The following FAM186A variants were observed in gnomAD, a reference collection of about 807,000 sequenced individuals.
FAM186A encodes family with sequence similarity 186 member A.
In FAM186A, 163 loss-of-function variants were observed where a neutral mutation model predicts 216.8. The observed-to-expected ratio is 0.75, with a 90% CI of 0.66 to 0.86. FAM186A has a LOEUF of 0.86. FAM186A is among the 40% of genes least tolerant of loss of function. The pLI is 0.00. For missense variants in FAM186A, 2,184 were observed against 2,746.2 expected, an observed-to-expected ratio of 0.80 and a Z score of 4.58; for synonymous variants, 805 against 1,025.3, an observed-to-expected ratio of 0.79 and a Z score of 4.10.
intron 7 of FAM186A, among the ~76,000 whole-genome samples, chr12:50,329,722 GAGT>G (rs1942638438): frequency 1.3e-5 from 2 of 151,800 alleles, no homozygotes; most frequent in Non-Finnish European, 2.9e-5. Flanking sequence ...CTCAGCCTCT[GAGT>G]AGCTGGGATT....
In FAM186A at chr12:50,351,484, A is replaced by G; in HGVS notation, c.5348T>C (p.Leu1783Pro). Residue 1783 changes from leucine to proline, a missense_variant, in exon 4 of 8, where the codon CTT becomes CCT. Physicochemically the swap from Leu to Pro is moderately conservative, Grantham distance 98. This residue lies in a region of FAM186A where 721 missense variants were observed against 816.4 expected (regional missense o/e 0.88). Coordinates refer to ENST00000327337, the MANE Select transcript of FAM186A (RefSeq NM_001145475.3). ...TGCCCCAAGCTTCCCAGGCTCAGAA[A>G]GAATCCCCATTTCTAGGGGCTTCCC... ...APGKPLEMGI[L>P]SEPGKLGAPQ... The G allele has an allele frequency of 5.4e-6, 8 of 1,485,192 alleles. No homozygotes were observed. The highest frequency in any genetic ancestry group is 4.5e-6 in the Non-Finnish European group (5 of 1,120,158). 92.0% of individuals were successfully genotyped at this position (1,485,192 alleles called of 1,614,324 possible). A position where few individuals can be genotyped will look rare whatever the true frequency, so the allele number is the denominator to read the frequency against.
At chr12:50,393,221 G>C (rs906290782) in intron 1 of FAM186A, among the ~76,000 whole-genome samples, 5 of 151,922 alleles carry the variant, frequency 3.3e-5, no homozygotes, top group African/African-American at 1.2e-4. Context: ...ACCGCTCCCG[G>C]CTCGATACTT....
Position 50,353,744 on chromosome 12 carries a change from G to GA in FAM186A, c.3087dup (p.Gln1030SerfsTer12), listed in dbSNP as rs1942938645. On this transcript the variant is annotated frameshift_variant, in exon 4 of 8. Coordinates refer to ENST00000327337, the MANE Select transcript of FAM186A (RefSeq NM_001145475.3). LOFTEE classifies it high-confidence loss of function. ...TTCTCTAATGTCTTCAGATTCCTCT[G>GA]AAACTCTTTTCCTTCATATGACCGC... 1 of 1,550,298 alleles carries GA rather than the reference G, an allele frequency of 6.5e-7. No individual in the cohort carries two copies. The highest frequency in any genetic ancestry group is 2.4e-5 in the East Asian group (1 of 40,928).
chr12:50,372,778 T>G (rs537439688), intron 1 of FAM186A, among the ~76,000 whole-genome samples: 2 of 149,974 alleles, frequency 1.3e-5, no homozygotes, highest in African/African-American at 4.9e-5. Flanking sequence ...GGTGGGTGAC[T>G]GTAATCCCAG....
At position 50,350,506 on chromosome 12, in the gene FAM186A, A is replaced by T; in HGVS notation, c.6326T>A (p.Val2109Glu). The T allele has an allele frequency of 6.4e-7, 1 of 1,551,620 alleles. No individual in the cohort carries two copies. The highest frequency in any genetic ancestry group is 8.7e-7 in the Non-Finnish European group (1 of 1,146,984). The change falls in exon 4 of 8, where the codon GTG (valine) becomes GAG (glutamate). Residue 2109 changes from valine to glutamate, a missense_variant. Val to Glu is a moderately radical substitution (Grantham distance 121). This residue lies in a region of FAM186A where 721 missense variants were observed against 816.4 expected (regional missense o/e 0.88). Coordinates refer to ENST00000327337, the MANE Select transcript of FAM186A (RefSeq NM_001145475.3). Reference protein sequence around the residue: ...ELEEKRYFVDVEAQKKNLILL... With the variant: ...ELEEKRYFVDEEAQKKNLILL... ...TATCAGGTTCTTCTTCTGAGCCTCC[A>T]CATCAACAAAATACCTCTTTTCTTC... is the stretch of plus-strand genomic sequence containing the variant.
intron 4 of FAM186A, among the ~76,000 whole-genome samples, chr12:50,346,237 A>AAAGAAAGAAAAG (rs1383898895): frequency 1.3e-4 from 13 of 102,260 alleles, no homozygotes; most frequent in Admixed American, 2.5e-4. Context: ...AAGAAAGAAA[A>AAAGAAAGAAAAG]AAAGAAAGAA....
At chr12:50,327,450 A>T (rs987113579) in intron 7 of FAM186A, 46 bp from the exon 8 acceptor site, 11 of 1,485,452 alleles carry the variant, frequency 7.4e-6, no homozygotes, top group Admixed American at 2.0e-5. Context: ...ATTGCTTTAA[A>T]CACATTTGTG....
chr12:50,381,289 G>A (rs1409926782), intron 1 of FAM186A, among the ~76,000 whole-genome samples: 1 of 152,140 alleles, frequency 6.6e-6, no homozygotes, highest in African/African-American at 2.4e-5. Context: ...CCACCATTCG[G>A]CAGGTCCCAA....
At position 50,352,414 on chromosome 12, in the gene FAM186A, G is replaced by T. The variant is rs2084821580; in HGVS notation, c.4418C>A (p.Pro1473His). Reference protein sequence around the residue: ...QAQELGIPLTPQQAQALGIPL... With the variant: ...QAQELGIPLTHQQAQALGIPL... ...GATCCCCAGGGCCTGGGCCTGCTGAGGGGTGAGAGGGATCCCCAATTCCTG... is the reference window on the plus strand; with the variant it reads ...GATCCCCAGGGCCTGGGCCTGCTGATGGGTGAGAGGGATCCCCAATTCCTG... Residue 1473 changes from proline (P) to histidine (H), a missense_variant, in exon 4 of 8, where the codon CCT becomes CAT. Around this residue, in one of 7 missense-constraint regions of FAM186A, gnomAD observed 3 missense variants for 62.0 expected, o/e 0.05. Coordinates refer to ENST00000327337, the MANE Select transcript of FAM186A (RefSeq NM_001145475.3). 1 of 1,549,196 alleles carries T rather than the reference G, an allele frequency of 6.5e-7. No individual in the cohort carries two copies. Among genetic ancestry groups the T allele is most frequent in the Admixed American group, 2.0e-5 (1 of 50,816 alleles).
chr12:50,333,258 G>C (rs556629948), intron 5 of FAM186A, among the ~76,000 whole-genome samples: 22 of 152,006 alleles, frequency 1.4e-4, no homozygotes, highest in Admixed American at 1.2e-3. Context: ...CAGGCCAGGC[G>C]TGGTGGCTCA....
chr12:50,329,911 C>T lies in FAM186A; in HGVS notation c.7034+662G>A, dbSNP rs552635141. Among the ~76,000 whole-genome samples the T allele has an allele frequency of 9.2e-5, 14 of 152,268 alleles. No homozygotes were observed. The East Asian group carries it at 1.2e-3, about 13-fold the overall frequency. On this transcript the variant is annotated intron_variant, in intron 7 of 7. Transcript: ENST00000327337. ...ACACCTGGCCTAACACTACTTCTTA[C>T]GTGAGGACTTAGATTTCACCAAAAT...
In FAM186A at chr12:50,352,682, C is replaced by G; in HGVS notation, c.4150G>C (p.Gly1384Arg). Residue 1384 changes from glycine (G) to arginine (R), a missense_variant, in exon 4 of 8, where the codon GGG (glycine) becomes CGG (arginine). By Grantham distance (125) the Gly-to-Arg change is moderately radical. Transcript: ENST00000327337. ...PLTTQQAQEL[G>R]IPLTPQQAQA... ...GCCTGCTGAGGGGTGAGAGGGATCC[C>G]CAGTTCCTGAGCCTGCTGAGTGGTG... is the stretch of plus-strand genomic sequence containing the variant. The G allele has an allele frequency of 6.6e-7, 1 of 1,522,232 alleles. No homozygotes were observed. Among genetic ancestry groups the G allele is most frequent in the Non-Finnish European group, 8.8e-7 (1 of 1,131,766 alleles). The allele number at this position is 1,522,232 out of a possible 1,614,324, so 94.3% of individuals were successfully genotyped here. A position where few individuals can be genotyped will look rare whatever the true frequency, so the allele number is the denominator to read the frequency against.
chr12:50,387,395 C>G (rs1287819224), intron 1 of FAM186A, among the ~76,000 whole-genome samples: 1 of 152,160 alleles, frequency 6.6e-6, no homozygotes, highest in Non-Finnish European at 1.5e-5. Flanking sequence ...GGTTCATCAT[C>G]TGGTACCAGG....
intron 1 of FAM186A, among the ~76,000 whole-genome samples, chr12:50,386,105 A>G (rs1293443348): frequency 6.6e-6 from 1 of 152,152 alleles, no homozygotes; most frequent in Non-Finnish European, 1.5e-5. Context: ...GATTGCTGAG[A>G]GGAGATATTA....
intron 1 of FAM186A, among the ~76,000 whole-genome samples, chr12:50,368,925 A>G (rs2136100208): frequency 6.6e-6 from 1 of 151,972 alleles, no homozygotes; most frequent in Non-Finnish European, 1.5e-5. Context: ...TATTTTCCAT[A>G]AGGATTCTAA....
chr12:50,353,474 C>T lies in FAM186A; in HGVS notation c.3358G>A (p.Glu1120Lys), dbSNP rs1208416147. The change falls in exon 4 of 8, where the codon GAG becomes AAG. Residue 1120 changes from glutamate (E) to lysine (K), a missense_variant. Glu to Lys is a moderately conservative substitution (Grantham distance 56, BLOSUM62 1). This residue lies in a region of FAM186A where 267 missense variants were observed against 446.2 expected (regional missense o/e 0.60). Coordinates refer to ENST00000327337, the MANE Select transcript of FAM186A (RefSeq NM_001145475.3). Reference sequence around the variant, plus strand: ...GCCTGCTGAGGGGTGAAAAGGATCTCCAGGGCCTGGGCCTGCTGAGGGGTG... The same window carrying T: ...GCCTGCTGAGGGGTGAAAAGGATCTTCAGGGCCTGGGCCTGCTGAGGGGTG... ...PLTPQQAQALEILFTPQQAQA... is the reference protein window; with the variant it reads ...PLTPQQAQALKILFTPQQAQA... 7 of 1,537,812 alleles carry T rather than the reference C, an allele frequency of 4.6e-6. No homozygotes were observed. Among genetic ancestry groups the T allele is most frequent in the Middle Eastern group, 3.4e-4 (2 of 5,906 alleles).
intron 5 of FAM186A, among the ~76,000 whole-genome samples, chr12:50,332,809 C>G (rs1015702516): frequency 6.6e-6 from 1 of 152,152 alleles, no homozygotes; most frequent in African/African-American, 2.4e-5. Context: ...GGGCGGTTCA[C>G]TTGAGGTCAG....
At chr12:50,332,881 AAC>A (rs1565878302) in intron 5 of FAM186A, among the ~76,000 whole-genome samples, 1 of 151,850 alleles carries the variant, frequency 6.6e-6, no homozygotes, top group Non-Finnish European at 1.5e-5. Flanking sequence ...TACAAAAATT[AAC>A]CAGACATGGT....
At position 50,355,402 on chromosome 12, in the gene FAM186A, C is replaced by T. The variant is rs747342161; in HGVS notation, c.1430G>A (p.Ser477Asn). 2 of 1,551,382 alleles carry T rather than the reference C, an allele frequency of 1.3e-6. No individual in the cohort carries two copies. The highest frequency in any genetic ancestry group is 1.4e-5 in the African/African-American group (1 of 73,174). ...YVYETSGPNL[S>N]DNKSGQKVSE... Reference sequence around the variant, plus strand: ...GACTTTCTGTCCACTTTTATTATCACTCAGATTTGGTCCAGAGGTCTCATA... The same window carrying T: ...GACTTTCTGTCCACTTTTATTATCATTCAGATTTGGTCCAGAGGTCTCATA... The change falls in exon 4 of 8, where the codon AGT (serine) becomes AAT (asparagine). Residue 477 changes from serine to asparagine, a missense_variant. Physicochemically the swap from Ser to Asn is conservative, Grantham distance 46 (BLOSUM62 1). Around this residue, in one of 7 missense-constraint regions of FAM186A, gnomAD observed 1,132 missense variants for 1,263.4 expected, o/e 0.90. Coordinates refer to ENST00000327337, the MANE Select transcript of FAM186A (RefSeq NM_001145475.3).
Sources: gnomAD v4.1 joint callset for allele counts (sites outside exome capture counted in the v4.1 genomes callset) on GRCh38, gnomAD v4.1.1 for gene constraint, gnomAD v4.1.1 regional missense constraint, MANE v1.5 for transcripts, NCBI Gene and HGNC (gene_info 2026-07-23, HGNC 2026-07-21) for gene names.